ELMO1: variants seen among roughly 807,000 people sequenced by gnomAD.
ELMO1 encodes engulfment and cell motility 1.
A neutral mutation model predicts 98.9 loss-of-function variants in ELMO1; 26 were observed. That is an observed-to-expected ratio of 0.26 (90% CI 0.19 to 0.36). The LOEUF (loss-of-function observed/expected upper bound fraction) is 0.36. Ranked by LOEUF, ELMO1 falls within the 10% of genes least tolerant of loss-of-function variation. ELMO1 has a pLI of 1.00. For synonymous variants in ELMO1, 346 were observed against 346.0 expected, an observed-to-expected ratio of 1.00 and a Z score of 0.00; for missense variants, 627 against 935.2, an observed-to-expected ratio of 0.67 and a Z score of 4.30.
chr7:37,203,772 T>C (rs1792434443), intron 13 of ELMO1, among the ~76,000 whole-genome samples: 1 of 152,146 alleles, frequency 6.6e-6, no homozygotes, highest in Admixed American at 6.5e-5. Flanking sequence ...CGAGTCTGCT[T>C]GGACGACATG....
At chr7:37,213,243 A>C in intron 12 of ELMO1, 92 bp downstream of exon 12, 1 of 1,491,776 alleles carries the variant, frequency 6.7e-7, no homozygotes, top group Non-Finnish European at 9.0e-7. Context: ...TCAAACTCTG[A>C]AACTCCCTAG....
At chr7:37,188,842 G>A (rs1240113769) in intron 13 of ELMO1, among the ~76,000 whole-genome samples, 4 of 152,176 alleles carry the variant, frequency 2.6e-5, no homozygotes, top group Admixed American at 1.3e-4. Flanking sequence ...TCAACCCCAT[G>A]ACTGAGCCTT....
intron 17 of ELMO1, among the ~76,000 whole-genome samples, chr7:36,888,615 C>T (rs1805255545): frequency 6.6e-6 from 1 of 152,220 alleles, no homozygotes; most frequent in Non-Finnish European, 1.5e-5. Context: ...AAGAATCTTT[C>T]CTGCTGTGAC....
intron 13 of ELMO1, among the ~76,000 whole-genome samples, chr7:37,177,727 G>A (rs545358464): frequency 6.6e-6 from 1 of 152,300 alleles, no homozygotes; most frequent in East Asian, 1.9e-4. Context: ...ATTAAGGTTT[G>A]TGGATTACTC....
intron 4 of ELMO1, among the ~76,000 whole-genome samples, chr7:37,288,010 G>A (rs531408939): frequency 2.0e-5 from 3 of 152,268 alleles, no homozygotes; most frequent in African/African-American, 7.2e-5. Context: ...GCCCAGGCTG[G>A]AGTGCAGTGG....
intron 15 of ELMO1, among the ~76,000 whole-genome samples, chr7:37,031,698 TTTATATATTCAG>T (rs1338064433): frequency 6.6e-6 from 1 of 152,208 alleles, no homozygotes; most frequent in Non-Finnish European, 1.5e-5. Context: ...CTTCTCTGTC[TTTATATATTCAG>T]TACTTAGGGC....
intron 4 of ELMO1, among the ~76,000 whole-genome samples, chr7:37,295,254 G>A (rs1056129718): frequency 6.6e-6 from 1 of 152,212 alleles, no homozygotes; most frequent in African/African-American, 2.4e-5. Context: ...TAAGGTTTTA[G>A]CTATGCTTGG....
chr7:36,922,769 G>A (rs1437231911), intron 16 of ELMO1, among the ~76,000 whole-genome samples: 2 of 152,150 alleles, frequency 1.3e-5, no homozygotes, highest in African/African-American at 4.8e-5. Context: ...ATCGATCAAG[G>A]CCTAAGAACC....
At chr7:37,414,961 TA>T (rs1804152041) in intron 1 of ELMO1, among the ~76,000 whole-genome samples, 1 of 152,216 alleles carries the variant, frequency 6.6e-6, no homozygotes, top group Non-Finnish European at 1.5e-5. Flanking sequence ...GAGAAATATC[TA>T]AAGCCAAAAA....
intron 15 of ELMO1, among the ~76,000 whole-genome samples, chr7:37,062,773 C>G (rs1796734569): frequency 6.6e-6 from 1 of 152,182 alleles, no homozygotes. Context: ...TGAGGAAACA[C>G]TGCCCCTAAG....
intron 1 of ELMO1, among the ~76,000 whole-genome samples, chr7:37,439,509 T>C (rs1583767415): frequency 1.3e-5 from 2 of 152,294 alleles, no homozygotes; most frequent in East Asian, 3.9e-4. Context: ...TCTCCACATA[T>C]GGAGTGCCCA....
intron 16 of ELMO1, among the ~76,000 whole-genome samples, chr7:36,905,597 G>A (rs979738733): frequency 1.3e-5 from 2 of 152,216 alleles, no homozygotes; most frequent in Admixed American, 6.5e-5. Flanking sequence ...CATTCAGGGT[G>A]TTTACCAACA....
intron 20 of ELMO1, among the ~76,000 whole-genome samples, chr7:36,864,471 G>A (rs3778707): frequency 0.039 from 5,917 of 152,214 alleles, 278 homozygotes; most frequent in East Asian, 0.24. Context: ...TTAATTCTCT[G>A]AGCTGCATGT....
chr7:37,007,877 G>A (rs1027280605), intron 16 of ELMO1, among the ~76,000 whole-genome samples: 23 of 152,180 alleles, frequency 1.5e-4, no homozygotes, highest in African/African-American at 5.1e-4. Flanking sequence ...CCATTGACTC[G>A]GTTGAAGCTC....
At chr7:37,352,407 C>T (rs1801312226) in intron 1 of ELMO1, among the ~76,000 whole-genome samples, 1 of 152,210 alleles carries the variant, frequency 6.6e-6, no homozygotes, top group Non-Finnish European at 1.5e-5. Flanking sequence ...GGGCTCTACG[C>T]CGTTCTTTTC....
intron 16 of ELMO1, among the ~76,000 whole-genome samples, chr7:36,915,787 T>C (rs1784644762): frequency 6.6e-6 from 1 of 152,154 alleles, no homozygotes; most frequent in Non-Finnish European, 1.5e-5. Context: ...AAACCAGAGA[T>C]GATGTGGCTT....
intron 15 of ELMO1, among the ~76,000 whole-genome samples, chr7:37,053,282 TAA>T (rs1209218411): frequency 2.7e-5 from 3 of 110,322 alleles, no homozygotes; most frequent in South Asian, 3.0e-4. Flanking sequence ...TTTCATTTGT[TAA>T]AACACACACA....
intron 4 of ELMO1, among the ~76,000 whole-genome samples, chr7:37,285,351 C>A (rs1036705692): frequency 2.6e-5 from 4 of 152,206 alleles, no homozygotes; most frequent in Non-Finnish European, 4.4e-5. Context: ...TTGGAATATA[C>A]CCTGTTTAAA....
At chr7:36,970,495 A>G (rs903913644) in intron 16 of ELMO1, among the ~76,000 whole-genome samples, 9 of 152,186 alleles carry the variant, frequency 5.9e-5, no homozygotes, top group African/African-American at 2.2e-4. Context: ...TCTGTGGTTA[A>G]CTAGCTAATG....
Sources: allele counts gnomAD v4.1 joint callset (sites outside exome capture counted in the v4.1 genomes callset), GRCh38; gene constraint gnomAD v4.1.1; transcripts MANE v1.5; gene names NCBI Gene and HGNC (gene_info 2026-07-23, HGNC 2026-07-21).